GLI2: variants seen among roughly 807,000 people sequenced by gnomAD.
The protein encoded by GLI2 is transcription activator GLI2.
A neutral mutation model predicts 78.9 loss-of-function variants in GLI2; 22 were observed. That is an observed-to-expected ratio of 0.28 (90% CI 0.20 to 0.40). The LOEUF is 0.40. Among genes scored for constraint, GLI2 ranks in the 10% least tolerant of loss-of-function variants. GLI2 has a pLI of 1.00. For missense variants in GLI2, 2,097 were observed against 2,213.2 expected (o/e 0.95, Z 1.05); for synonymous variants, 974 against 963.7 (o/e 1.01, Z -0.20).
chr2:120,988,062 AAG>A (rs1427477389), intron 13 of GLI2, 144 bp from the exon 14 acceptor site: 2 of 672,736 alleles, frequency 3.0e-6, no homozygotes, highest in Admixed American at 3.0e-5. Flanking sequence ...TAAAAAGAGA[AAG>A]AGAGAAAGAA....
intron 2 of GLI2, among the ~76,000 whole-genome samples, chr2:120,817,867 C>T (rs532175990): frequency 2.0e-5 from 3 of 152,182 alleles, no homozygotes; most frequent in Non-Finnish European, 2.9e-5. Context: ...GAGACCCGGC[C>T]GGCCTGAGAA....
chr2:120,850,846 T>C (rs2104607828), intron 2 of GLI2, among the ~76,000 whole-genome samples: 1 of 152,354 alleles, frequency 6.6e-6, no homozygotes, highest in Non-Finnish European at 1.5e-5. Flanking sequence ...TTGTCCTCTG[T>C]ATAAATAACC....
At chr2:120,849,316 G>C (rs1384920544) in intron 2 of GLI2, among the ~76,000 whole-genome samples, 1 of 152,160 alleles carries the variant, frequency 6.6e-6, no homozygotes. Flanking sequence ...AAAATGGTAA[G>C]TCTTATGTTA....
At chr2:120,908,297 G>C (rs1027309548) in intron 2 of GLI2, among the ~76,000 whole-genome samples, 1 of 152,232 alleles carries the variant, frequency 6.6e-6, no homozygotes, top group African/African-American at 2.4e-5. Flanking sequence ...CCAGAGCGTG[G>C]CATGGACATG....
intron 2 of GLI2, among the ~76,000 whole-genome samples, chr2:120,904,050 C>T (rs1678396370): frequency 6.6e-6 from 1 of 151,950 alleles, no homozygotes. Flanking sequence ...AGGAGGCTGT[C>T]CCCCTCCCCC....
intron 2 of GLI2, among the ~76,000 whole-genome samples, chr2:120,809,059 G>T (rs902737936): frequency 6.6e-6 from 1 of 152,146 alleles, no homozygotes; most frequent in Non-Finnish European, 1.5e-5. Flanking sequence ...ACAAAACTTT[G>T]TATATGGGTG....
chr2:120,772,631 C>T (rs1190287009), intron 1 of GLI2, among the ~76,000 whole-genome samples: 1 of 152,240 alleles, frequency 6.6e-6, no homozygotes, highest in East Asian at 1.9e-4. Flanking sequence ...ACCCTTGGCC[C>T]TTGTTGGAGA....
chr2:120,977,905 A>G (rs1055944317), intron 9 of GLI2, among the ~76,000 whole-genome samples: 1 of 152,220 alleles, frequency 6.6e-6, no homozygotes, highest in Non-Finnish European at 1.5e-5. Flanking sequence ...AGAGATAAGC[A>G]TGTGTTATTT....
chr2:120,980,546 A>G (rs1370325107), intron 10 of GLI2, among the ~76,000 whole-genome samples: 1 of 152,222 alleles, frequency 6.6e-6, no homozygotes, highest in East Asian at 1.9e-4. Flanking sequence ...CTTGTCAGAT[A>G]TATGATTTGC....
chr2:120,808,111 CA>C (rs1685048351), intron 2 of GLI2, among the ~76,000 whole-genome samples: 1 of 152,196 alleles, frequency 6.6e-6, no homozygotes, highest in Non-Finnish European at 1.5e-5. Flanking sequence ...TCTGACTTTC[CA>C]TCTCGTTTTC....
At position 120,885,287 on chromosome 2, in the gene GLI2, G is replaced by T. The variant is rs182511082; in HGVS notation, c.149-42074G>T. Among the ~76,000 whole-genome samples, 279 of 152,294 alleles carry T rather than the reference G, an allele frequency of 1.8e-3. 2 individuals are homozygous for T. Among genetic ancestry groups the T allele is most frequent in the Non-Finnish European group, 2.3e-3 (158 of 68,022 alleles). On this transcript the variant is annotated intron_variant, in intron 2 of 13. Transcript: ENST00000361492. ...AAATAGACACTGTCATTGTCACAGGGCCATGTTGTCAGATGCCTGCTCCAG... is the reference window on the plus strand; with the variant it reads ...AAATAGACACTGTCATTGTCACAGGTCCATGTTGTCAGATGCCTGCTCCAG...
chr2:120,930,190 G>T (rs1379272020), intron 3 of GLI2, among the ~76,000 whole-genome samples: 1 of 152,208 alleles, frequency 6.6e-6, no homozygotes, highest in Non-Finnish European at 1.5e-5. Context: ...CACCTGAAGT[G>T]TGTAGAGGCA....
rs1276324238 is a variant in GLI2 at position 120,984,623 on chromosome 2, G to C, written c.1785G>C (p.Glu595Asp). Residue 595 changes from glutamate (E) to aspartate (D), a missense_variant, in exon 12 of 14, where the codon GAG becomes GAC. Transcript: ENST00000361492. The part of the protein sequence containing the change: ...DVHLRTPLLK[E>D]NGDSEAGTEP... ...ACCTCCGCACACCGCTGCTCAAAGA[G>C]AATGGGGACAGTGAGGCCGGCACGG... is the stretch of plus-strand genomic sequence containing the variant. The C allele has an allele frequency of 6.2e-7, 1 of 1,614,240 alleles. No homozygotes were observed. Among genetic ancestry groups the C allele is most frequent in the Non-Finnish European group, 8.5e-7 (1 of 1,180,036 alleles).
chr2:120,802,592 C>T (rs1241166652), intron 2 of GLI2, among the ~76,000 whole-genome samples: 1 of 152,226 alleles, frequency 6.6e-6, no homozygotes, highest in Non-Finnish European at 1.5e-5. Flanking sequence ...TCCTCCTCCA[C>T]TGTGGGTTCT....
chr2:120,955,152 CCTTTTTTTTTTTTTT>C lies in GLI2; in HGVS notation c.458-92_458-78del, dbSNP rs1403086647. On this transcript the variant is annotated intron_variant, in intron 4 of 13. Transcript: ENST00000361492. ...GACACCAGGTGTGCATTTCTCTCTG[CCTTTTTTTTTTTTTT>C]TTTTTTTTTTTTTTGGCAGGAGAAG... The C allele has an allele frequency of 5.7e-4, 175 of 304,998 alleles. 2 individuals carry two copies. The highest frequency in any genetic ancestry group is 8.7e-4 in the Non-Finnish European group (147 of 168,870). 18.9% of individuals were successfully genotyped at this position (304,998 alleles called of 1,614,324 possible).
At chr2:120,751,402 T>A (rs1169634206) in intron 1 of GLI2, among the ~76,000 whole-genome samples, 1 of 152,212 alleles carries the variant, frequency 6.6e-6, no homozygotes, top group Non-Finnish European at 1.5e-5. Flanking sequence ...CATCTCGTAC[T>A]TTTTACTTAA....
At chr2:120,765,879 C>A (rs114379432) in intron 1 of GLI2, among the ~76,000 whole-genome samples, 2,032 of 152,326 alleles carry the variant, frequency 0.013, 44 homozygotes, top group African/African-American at 0.047. Flanking sequence ...GCAGGAGACT[C>A]AGGGAATGAG....
intron 3 of GLI2, among the ~76,000 whole-genome samples, chr2:120,946,771 G>A (rs1050419247): frequency 1.3e-5 from 2 of 152,188 alleles, no homozygotes; most frequent in African/African-American, 4.8e-5. Flanking sequence ...TGGGATGGGG[G>A]CAAGTGTCCA....
chr2:120,740,872 A>C (rs950465613), intron 1 of GLI2, among the ~76,000 whole-genome samples: 2 of 151,938 alleles, frequency 1.3e-5, no homozygotes, highest in African/African-American at 4.8e-5. Context: ...TAGAGGGAGG[A>C]GGGAGGGTGG....
Sources: allele counts gnomAD v4.1 joint callset (sites outside exome capture counted in the v4.1 genomes callset), GRCh38; gene constraint gnomAD v4.1.1; transcripts MANE v1.5; gene names NCBI Gene and HGNC (gene_info 2026-07-23, HGNC 2026-07-21).